The following DHODH variants were observed in gnomAD, a reference collection of about 807,000 sequenced individuals.
DHODH encodes dihydroorotate dehydrogenase (quinone), mitochondrial.
DHODH carries 30 observed loss-of-function variants against 39.7 expected under a neutral mutation model. The observed-to-expected ratio is 0.76, with a 90% CI of 0.57 to 1.02. DHODH has a LOEUF of 1.02. Among genes scored for constraint, DHODH ranks in the 50% least tolerant of loss-of-function variants. The probability of loss-of-function intolerance (pLI) is 0.00; values close to 1 mark genes in which losing one functional copy is unlikely to be tolerated. For synonymous variants in DHODH, 222 were observed against 213.8 expected, an observed-to-expected ratio of 1.04 and a Z score of -0.34; for missense variants, 531 against 520.8, an observed-to-expected ratio of 1.02 and a Z score of -0.19.
rs2041238451 is a variant in DHODH at position 72,023,075 on chromosome 16, T to C, written c.820-90T>C. ...TTTGGGGGCTGTAGGTGTGGGTACC[T>C]GGCCCGGCTGCTGCCTTCGACCTCC... is the stretch of plus-strand genomic sequence containing the variant. On this transcript the variant is annotated intron_variant, in intron 6 of 8. Transcript: ENST00000219240. 2.2e-6 allele frequency: 3 copies of C among 1,377,946 alleles called. No homozygotes were observed. In the Admixed American group the frequency reaches 5.4e-5, roughly 25 times the overall value. 85.4% of individuals were successfully genotyped at this position (1,377,946 alleles called of 1,614,324 possible).
intron 2 of DHODH, chr16:72,013,849 G>C (rs904039465): frequency 6.4e-6 from 1 of 157,396 alleles, no homozygotes; most frequent in South Asian, 1.9e-4. Context: ...TCCAGGATCC[G>C]ACCGTGTTCA....
Position 72,024,177 on chromosome 16 carries a change from T to A in DHODH, c.1166T>A (p.Ile389Asn). The change falls in exon 9 of 9, where the codon ATT becomes AAT. Residue 389 changes from isoleucine to asparagine, a missense_variant. Physicochemically the swap from Ile to Asn is moderately radical, Grantham distance 149. Coordinates refer to ENST00000219240, the MANE Select transcript of DHODH (RefSeq NM_001361.5). ...GGCTTTGGCGGAGTCACAGATGCCA[T>A]TGGAGCAGATCATCGGAGGTGAGGA... is the stretch of plus-strand genomic sequence containing the variant. ...EQGFGGVTDA[I>N]GADHRR is the part of the protein sequence containing the mutation. 1 of 1,614,178 alleles carries A rather than the reference T, an allele frequency of 6.2e-7. No individual in the cohort carries two copies. Among genetic ancestry groups the A allele is most frequent in the East Asian group, 2.2e-5 (1 of 44,878 alleles).
At chr16:72,020,335 A>ATATATATATATGTG (rs1259454581) in intron 4 of DHODH, 13 of 117,348 alleles carry the variant, frequency 1.1e-4, no homozygotes, top group African/African-American at 4.4e-4. Context: ...ATGTGTATAT[A>ATATATATATATGTG]TATATATATA....
In DHODH at chr16:72,027,556, T is replaced by C. The variant is rs1033095106; in HGVS notation, c.*3357T>C. 7 of 152,188 alleles carry C rather than the reference T, an allele frequency of 4.6e-5. No individual in the cohort carries two copies. Among genetic ancestry groups the C allele is most frequent in the Non-Finnish European group, 1.0e-4 (7 of 68,046 alleles). The allele number at this position is 152,188 out of a possible 1,614,324, so 9.4% of individuals were successfully genotyped here. ...TCTGGGACCAAGGATGGTGGAAGGG[T>C]GTGCAGAATTCCAAATGTTATTTAC... On this transcript the variant is annotated 3_prime_UTR_variant, in exon 9 of 9. Transcript: ENST00000219240.
At chr16:72,020,058 A>T (rs1017232469) in intron 4 of DHODH, among the ~76,000 whole-genome samples, 1 of 151,866 alleles carries the variant, frequency 6.6e-6, no homozygotes, top group Non-Finnish European at 1.5e-5. Context: ...TGGGCAGATC[A>T]TGAGGTCTGG....
At chr16:72,020,612 A>G (rs2041202216) in intron 4 of DHODH, 2 of 157,200 alleles carry the variant, frequency 1.3e-5, no homozygotes, top group South Asian at 3.8e-4. Flanking sequence ...TTGACCACCC[A>G]AAGTGCTGGG....
In DHODH at chr16:72,026,211, C is replaced by T. The variant is rs575552942; in HGVS notation, c.*2012C>T. ...ACTCTGGACACCCTCCTCATTCTCTCTGGGCTTTGATGCTCTCTGTGAGTC... is the reference window on the plus strand; with the variant it reads ...ACTCTGGACACCCTCCTCATTCTCTTTGGGCTTTGATGCTCTCTGTGAGTC... On this transcript the variant is annotated 3_prime_UTR_variant, in exon 9 of 9. Transcript: ENST00000219240. The T allele has an allele frequency of 8.5e-5, 13 of 152,516 alleles. No homozygotes were observed. Among genetic ancestry groups the T allele is most frequent in the African/African-American group, 3.1e-4 (13 of 41,594 alleles). The allele number at this position is 152,516 out of a possible 1,614,324, so 9.4% of individuals were successfully genotyped here.
At chr16:72,011,403 C>T (rs1321629929) in intron 1 of DHODH, among the ~76,000 whole-genome samples, 2 of 152,150 alleles carry the variant, frequency 1.3e-5, no homozygotes, top group Non-Finnish European at 2.9e-5. Context: ...CTTTGGGAGG[C>T]CAAAGCAGGA....
rs1369311919 is a variant in DHODH at position 72,027,021 on chromosome 16, G to A, written c.*2822G>A. 4 of 146,828 alleles carry A rather than the reference G, an allele frequency of 2.7e-5. No homozygotes were observed. The highest frequency in any genetic ancestry group is 4.4e-5 in the Non-Finnish European group (3 of 67,564). 9.1% of individuals were successfully genotyped at this position (146,828 alleles called of 1,614,324 possible). ...TGTGTGTGTGTGTGTTTTTGAGATG[G>A]AGTCCTGCTCTGTCACCCCGGCTGG... On this transcript the variant is annotated 3_prime_UTR_variant, in exon 9 of 9. Transcript: ENST00000219240.
chr16:72,012,029 C>T (rs746728896), intron 1 of DHODH, 21 bp from the exon 2 acceptor site: 2 of 1,612,588 alleles, frequency 1.2e-6, no homozygotes, highest in Non-Finnish European at 1.7e-6. Flanking sequence ...GGGGACCCCC[C>T]TAATATGCTC....
chr16:72,023,600 G>A lies in DHODH; in HGVS notation c.1100G>A (p.Gly367Asp). The change falls in exon 8 of 9, where the codon GGC becomes GAC. Residue 367 changes from glycine to aspartate, a missense_variant. Coordinates refer to ENST00000219240, the MANE Select transcript of DHODH (RefSeq NM_001361.5). Reference sequence around the variant, plus strand: ...ACCTTCTGGGGGCCACCCGTTGTGGGCAAAGTCAAGCGGGAACTGGAGGCC... The same window carrying A: ...ACCTTCTGGGGGCCACCCGTTGTGGACAAAGTCAAGCGGGAACTGGAGGCC... The part of the protein sequence containing the change: ...ALTFWGPPVV[G>D]KVKRELEALL... 1 of 1,614,074 alleles carries A rather than the reference G, an allele frequency of 6.2e-7. No individual in the cohort carries two copies. Among genetic ancestry groups the A allele is most frequent in the Non-Finnish European group, 8.5e-7 (1 of 1,180,032 alleles).
At position 72,022,397 on chromosome 16, in the gene DHODH, C is replaced by T; in HGVS notation, c.741C>T (p.His247=). ...LQERDGLRRV[H]RPAVLVKIAP... is the part of the protein sequence containing the mutation. Reference sequence around the variant, plus strand: ...AGAGGGATGGCTTGCGGAGAGTGCACAGGCCGGCAGTCCTGGTGAAGATCG... The same window carrying T: ...AGAGGGATGGCTTGCGGAGAGTGCATAGGCCGGCAGTCCTGGTGAAGATCG... The change falls in exon 6 of 9, where the codon CAC becomes CAT. Residue 247 remains histidine, a synonymous_variant. Transcript: ENST00000219240. 2 of 1,556,416 alleles carry T rather than the reference C, an allele frequency of 1.3e-6. No homozygotes were observed. The highest frequency in any genetic ancestry group is 1.2e-5 in the South Asian group (1 of 84,348).
intron 8 of DHODH, 28 bp from the exon 9 acceptor site, chr16:72,024,117 G>A (rs2041254140): frequency 6.2e-7 from 1 of 1,613,918 alleles, no homozygotes; most frequent in African/African-American, 1.3e-5. Context: ...ACTGTTTGCT[G>A]AAATTGCTTT....
intron 4 of DHODH, among the ~76,000 whole-genome samples, chr16:72,017,964 C>T (rs2041161585): frequency 6.6e-6 from 1 of 152,094 alleles, no homozygotes; most frequent in South Asian, 2.1e-4. Flanking sequence ...TTAGTAGAGA[C>T]GGGGTTTCAC....
chr16:72,008,809 T>G (rs1043469068), intron 1 of DHODH, 24 bp downstream of exon 1: 1 of 1,552,390 alleles, frequency 6.4e-7, no homozygotes, highest in Non-Finnish European at 8.7e-7. Context: ...GTGAGCAGTG[T>G]GGATGGGGGA....
chr16:72,024,338 C>CG lies in DHODH; in HGVS notation c.*145dup. ...GCATGGCTGCACTGTAAACGCCAAT[C>CG]GGGGGGTCACCAGGATCAACCGCAG... On this transcript the variant is annotated 3_prime_UTR_variant, in exon 9 of 9. Transcript: ENST00000219240. 2 of 873,210 alleles carry CG rather than the reference C, an allele frequency of 2.3e-6. No individual in the cohort carries two copies. Among genetic ancestry groups the CG allele is most frequent in the Non-Finnish European group, 3.8e-6 (2 of 530,496 alleles). 54.1% of individuals were successfully genotyped at this position (873,210 alleles called of 1,614,324 possible).
intron 5 of DHODH, among the ~76,000 whole-genome samples, chr16:72,021,682 G>A (rs1033030305): frequency 3.3e-5 from 5 of 152,180 alleles, no homozygotes; most frequent in African/African-American, 4.8e-5. Flanking sequence ...TCTAAAAAAC[G>A]TTGGACACCG....
chr16:72,012,803 A>C (rs1399486478), intron 2 of DHODH, among the ~76,000 whole-genome samples: 2 of 152,206 alleles, frequency 1.3e-5, no homozygotes, highest in Non-Finnish European at 2.9e-5. Context: ...ATATGCTTGA[A>C]ATCTTTGGCC....
chr16:72,013,227 A>G (rs554170911), intron 2 of DHODH, among the ~76,000 whole-genome samples: 1 of 152,302 alleles, frequency 6.6e-6, no homozygotes, highest in South Asian at 2.1e-4. Flanking sequence ...CCATGCTCAC[A>G]CACTAACAGG....
Sources: allele counts gnomAD v4.1 joint callset (sites outside exome capture counted in the v4.1 genomes callset), GRCh38; gene constraint gnomAD v4.1.1; transcripts MANE v1.5; gene names NCBI Gene and HGNC (gene_info 2026-07-23, HGNC 2026-07-21).